Variants in EIF2B2 observed in about 807,000 individuals in gnomAD.
EIF2B2 encodes the protein eukaryotic translation initiation factor 2B subunit beta, also known as translation initiation factor eIF2B subunit beta.
In EIF2B2, 34 loss-of-function variants were observed where a neutral mutation model predicts 34.7. That is an observed-to-expected ratio of 0.98 (90% CI 0.75 to 1.31). The LOEUF is 1.31. Among genes scored for constraint, EIF2B2 ranks in the 50% most tolerant of loss-of-function variants. The probability of loss-of-function intolerance (pLI) is 0.00; values close to 1 mark genes in which losing one functional copy is unlikely to be tolerated. For missense variants in EIF2B2, 361 were observed against 447.7 expected (o/e 0.81, Z 1.75); for synonymous variants, 155 against 171.6 (o/e 0.90, Z 0.76).
At chr14:75,004,714 T>G in intron 3 of EIF2B2, 23 bp from the exon 4 acceptor site, 1 of 1,029,364 alleles carries the variant, frequency 9.7e-7, no homozygotes, top group Non-Finnish European at 1.2e-6. Context: ...TTTTTTTTTT[T>G]TTTTGCAAAA....
chr14:75,003,415 C>G lies in EIF2B2; in HGVS notation c.284+20C>G. ...TGGCAGGTCAGGCTCACGTCCTGGG[C>G]TCCTGGTTGGATCCAGTGACACTTT... On this transcript the variant is annotated intron_variant, in intron 2 of 7. Transcript: ENST00000266126. 6.2e-7 allele frequency: 1 copy of G among 1,613,808 alleles called. No individual in the cohort carries two copies. Among genetic ancestry groups the G allele is most frequent in the African/African-American group, 1.3e-5 (1 of 74,964 alleles).
intron 6 of EIF2B2, chr14:75,007,153 A>G: frequency 2.2e-6 from 1 of 447,582 alleles, no homozygotes; most frequent in East Asian, 7.0e-5. Flanking sequence ...ACATCAACCT[A>G]TTTATAGGTC....
rs777483859 is a variant in EIF2B2, at chr14:75,006,990, G to A, written c.831+276G>A. ...CTTACGATTGCCACCACTCCCTGTC[G>A]CCTGACCATTTCTGAAAATGCCAAG... On this transcript the variant is annotated intron_variant, in intron 6 of 7. Transcript: ENST00000266126. The surrounding 1 kb of genome is among the most constrained non-coding windows in gnomAD (Gnocchi z 4.1). 1.6e-4 allele frequency: 95 copies of A among 582,006 alleles called. No individual in the cohort carries two copies. Among genetic ancestry groups the A allele is most frequent in the Admixed American group, 2.4e-4 (11 of 46,252 alleles). The allele number at this position is 582,006 out of a possible 1,614,324, so 36.1% of individuals were successfully genotyped here. A position where few individuals can be genotyped will look rare whatever the true frequency, so the allele number is the denominator to read the frequency against.
chr14:75,006,310 C>T lies in EIF2B2; in HGVS notation c.694-267C>T. The T allele has an allele frequency of 1.8e-6, 1 of 570,914 alleles. No homozygotes were observed. Among genetic ancestry groups the T allele is most frequent in the Non-Finnish European group, 3.1e-6 (1 of 323,098 alleles). The allele number at this position is 570,914 out of a possible 1,614,324, so 35.4% of individuals were successfully genotyped here. Reference sequence around the variant, plus strand: ...TGAATGAAAAAGATTCCTGGCTTCTCAGAAGGTATGGCATCTCAATTTCCA... The same window carrying T: ...TGAATGAAAAAGATTCCTGGCTTCTTAGAAGGTATGGCATCTCAATTTCCA... On this transcript the variant is annotated intron_variant, in intron 5 of 7. Transcript: ENST00000266126. This position sits in a 1 kb window ranked among gnomAD's most constrained non-coding sequence, Gnocchi z 4.1.
intron 2 of EIF2B2, 43 bp downstream of exon 2, chr14:75,003,438 T>A: frequency 6.2e-7 from 1 of 1,613,844 alleles, no homozygotes; most frequent in East Asian, 2.2e-5. Context: ...CCAGTGACAC[T>A]TTTTGCACGG....
chr14:75,006,101 T>C lies in EIF2B2; in HGVS notation c.693+140T>C. On this transcript the variant is annotated intron_variant, in intron 5 of 7. Coordinates refer to ENST00000266126, the MANE Select transcript of EIF2B2 (RefSeq NM_014239.4). This position sits in a 1 kb window ranked among gnomAD's most constrained non-coding sequence, Gnocchi z 4.1. ...AGTACATACTTAGGCCTTTTTAATC[T>C]GTTAACTGAATTTCTTTTCCCTTTT... 1 of 750,650 alleles carries C rather than the reference T, an allele frequency of 1.3e-6. No homozygotes were observed. Among genetic ancestry groups the C allele is most frequent in the Non-Finnish European group, 2.3e-6 (1 of 426,648 alleles). 46.5% of individuals were successfully genotyped at this position (750,650 alleles called of 1,614,324 possible).
chr14:75,008,897 G>A lies in EIF2B2; in HGVS notation c.899-134G>A, dbSNP rs992943741. 1.3e-5 allele frequency: 14 copies of A among 1,087,884 alleles called. No homozygotes were observed. The Admixed American group carries it at 1.5e-4, about 12-fold the overall frequency. The allele number at this position is 1,087,884 out of a possible 1,614,324, so 67.4% of individuals were successfully genotyped here. On this transcript the variant is annotated intron_variant, in intron 7 of 7. Transcript: ENST00000266126. ...TCATGATCTGAAGTCATCTCTTCTG[G>A]TTTGCATTTTTCCATAGCTTCCCGT...
rs1889690020 is a variant in EIF2B2, at chr14:75,010,479, T to TG, written c.*1292dup. On this transcript the variant is annotated 3_prime_UTR_variant, in exon 8 of 8. Coordinates refer to ENST00000266126, the MANE Select transcript of EIF2B2 (RefSeq NM_014239.4). ...TTCAAAAGGATGGCTGGAGGGGCAG[T>TG]GTCTGGATTGAAGGCATTTGGGCTG... 1 of 152,206 alleles carries TG rather than the reference T, an allele frequency of 6.6e-6. No homozygotes were observed. Among genetic ancestry groups the TG allele is most frequent in the African/African-American group, 2.4e-5 (1 of 41,452 alleles). 9.4% of individuals were successfully genotyped at this position (152,206 alleles called of 1,614,324 possible). A position where few individuals can be genotyped will look rare whatever the true frequency, so the allele number is the denominator to read the frequency against.
Position 75,007,718 on chromosome 14 carries a change from T to C in EIF2B2, c.832-4T>C, listed in dbSNP as rs1342818661. The C allele has an allele frequency of 6.2e-7, 1 of 1,613,528 alleles. No homozygotes were observed. On this transcript the variant is annotated splice_polypyrimidine_tract_variant and splice_region_variant and intron_variant, in intron 6 of 7. Coordinates refer to ENST00000266126, the MANE Select transcript of EIF2B2 (RefSeq NM_014239.4). ...CTAGTTTTTATAAATTTTTTCCTTT[T>C]TAGTTCCCCAATGAAGAAGACTCAT...
chr14:75,011,678 T>C lies in EIF2B2; in HGVS notation c.*2490T>C, dbSNP rs562086597. ...GAGCCTGACTCACTCAGGCTCAGTC[T>C]TTCTATTATTTCTTAAAGCATCTAA... On this transcript the variant is annotated 3_prime_UTR_variant, in exon 8 of 8. Transcript: ENST00000266126. The C allele has an allele frequency of 6.6e-6, 1 of 152,294 alleles. No individual in the cohort carries two copies. The highest frequency in any genetic ancestry group is 1.9e-4 in the East Asian group (1 of 5,188). The allele number at this position is 152,294 out of a possible 1,614,324, so 9.4% of individuals were successfully genotyped here.
chr14:75,007,613 A>G (rs191367130), intron 6 of EIF2B2, 109 bp from the exon 7 acceptor site: 1 of 902,856 alleles, frequency 1.1e-6, no homozygotes, highest in East Asian at 2.6e-5. Context: ...TGCTGCTATA[A>G]GCATCTGTGT....
chr14:75,005,974 G>A lies in EIF2B2; in HGVS notation c.693+13G>A. ...AAGAGTCAACAAGGTGGGTATATCTGGAGTTATGTTGAATTCATGAAGATT... is the reference window on the plus strand; with the variant it reads ...AAGAGTCAACAAGGTGGGTATATCTAGAGTTATGTTGAATTCATGAAGATT... On this transcript the variant is annotated intron_variant, in intron 5 of 7. Transcript: ENST00000266126. The A allele has an allele frequency of 6.3e-7, 1 of 1,594,924 alleles. No individual in the cohort carries two copies. The highest frequency in any genetic ancestry group is 1.3e-5 in the African/African-American group (1 of 74,612).
chr14:75,008,101 G>T, intron 7 of EIF2B2: 1 of 333,756 alleles, frequency 3.0e-6, no homozygotes, highest in Non-Finnish European at 5.7e-6. Flanking sequence ...AACCAGTTGG[G>T]AAAATGTACC....
At chr14:75,007,637 G>A (rs1035670520) in intron 6 of EIF2B2, 85 bp from the exon 7 acceptor site, 8 of 1,173,118 alleles carry the variant, frequency 6.8e-6, no homozygotes, top group Non-Finnish European at 1.0e-5. Context: ...AGTTTTCTGT[G>A]TGGACATATG....
In EIF2B2 at chr14:75,003,370, A is replaced by T; in HGVS notation, c.259A>T (p.Lys87Ter). ...TVGNMVRRVL[K>*]IIREEYGRLH... is the part of the protein sequence containing the mutation. ...GGGCAACATGGTGCGGAGAGTGCTC[A>T]AGATTATCCGGGAGGAGTATGGCAG... The change falls in exon 2 of 8, where the codon AAG (lysine) becomes TAG (stop). Residue 87 changes from lysine to a stop codon, truncating the protein, a stop_gained. Transcript: ENST00000266126. LOFTEE classifies it high-confidence loss of function. 6.2e-7 allele frequency: 1 copy of T among 1,613,896 alleles called. No homozygotes were observed. Among genetic ancestry groups the T allele is most frequent in the Non-Finnish European group, 8.5e-7 (1 of 1,179,972 alleles).
At position 75,003,406 on chromosome 14, in the gene EIF2B2, C is replaced by T; in HGVS notation, c.284+11C>T. 2 of 1,613,836 alleles carry T rather than the reference C, an allele frequency of 1.2e-6. No homozygotes were observed. Among genetic ancestry groups the T allele is most frequent in the Non-Finnish European group, 1.7e-6 (2 of 1,179,974 alleles). On this transcript the variant is annotated intron_variant, in intron 2 of 7. Coordinates refer to ENST00000266126, the MANE Select transcript of EIF2B2 (RefSeq NM_014239.4). ...GGAGGAGTATGGCAGGTCAGGCTCACGTCCTGGGCTCCTGGTTGGATCCAG... is the reference window on the plus strand; with the variant it reads ...GGAGGAGTATGGCAGGTCAGGCTCATGTCCTGGGCTCCTGGTTGGATCCAG...
chr14:75,008,511 A>G (rs1889659721), intron 7 of EIF2B2: 1 of 227,110 alleles, frequency 4.4e-6, no homozygotes, highest in South Asian at 7.5e-5. Flanking sequence ...CTATTGTGGA[A>G]GACAGATGAG....
In EIF2B2 at chr14:75,006,779, C is replaced by T; in HGVS notation, c.831+65C>T. On this transcript the variant is annotated intron_variant, in intron 6 of 7. Coordinates refer to ENST00000266126, the MANE Select transcript of EIF2B2 (RefSeq NM_014239.4). The surrounding 1 kb of genome is among the most constrained non-coding windows in gnomAD (Gnocchi z 4.1). Reference sequence around the variant, plus strand: ...AAGGAAGCCAAAGGGTAGGCTTGAACTCTGGGACTTCAACCACCTCACTCC... The same window carrying T: ...AAGGAAGCCAAAGGGTAGGCTTGAATTCTGGGACTTCAACCACCTCACTCC... 6.2e-7 allele frequency: 1 copy of T among 1,605,870 alleles called. No homozygotes were observed. The highest frequency in any genetic ancestry group is 1.1e-5 in the South Asian group (1 of 90,946).
chr14:75,004,873 T>C lies in EIF2B2; in HGVS notation c.570T>C (p.Ile190=), dbSNP rs749806505. 4 of 1,612,602 alleles carry C rather than the reference T, an allele frequency of 2.5e-6. No homozygotes were observed. The highest frequency in any genetic ancestry group is 3.4e-6 in the Non-Finnish European group (4 of 1,179,412). The change falls in exon 4 of 8, where the codon ATT becomes ATC. Residue 190 remains isoleucine (I), a synonymous_variant. Coordinates refer to ENST00000266126, the MANE Select transcript of EIF2B2 (RefSeq NM_014239.4). ...EAARKRKFHV[I]VAECAPFCQG... ...CCCGAAAGAGGAAATTCCATGTCAT[T>C]GTAGCAGAGTGTGCTCCTTTCTGCC...
Sources: allele counts gnomAD v4.1 joint callset, GRCh38; gene constraint gnomAD v4.1.1; non-coding constraint Gnocchi (gnomAD v3.1); transcripts MANE v1.5; gene names NCBI Gene and HGNC (gene_info 2026-07-23, HGNC 2026-07-21).